The following SLC4A10 variants were observed in gnomAD, a reference collection of about 807,000 sequenced individuals.
SLC4A10 encodes solute carrier family 4 member 10.
SLC4A10 carries 42 observed loss-of-function variants against 137.7 expected under a neutral mutation model. The observed-to-expected ratio is 0.30, with a 90% CI of 0.24 to 0.39. SLC4A10 has a LOEUF of 0.39. Ranked by LOEUF, SLC4A10 falls within the 10% of genes least tolerant of loss-of-function variation. The probability of loss-of-function intolerance (pLI) is 1.00; values close to 1 mark genes in which losing one functional copy is unlikely to be tolerated. For synonymous variants in SLC4A10, 474 were observed against 464.1 expected, an observed-to-expected ratio of 1.02 and a Z score of -0.27; for missense variants, 925 against 1,355.0, an observed-to-expected ratio of 0.68 and a Z score of 4.98.
chr2:161,826,899 T>G (rs928171967), intron 3 of SLC4A10, among the ~76,000 whole-genome samples: 1 of 152,192 alleles, frequency 6.6e-6, no homozygotes, highest in African/African-American at 2.4e-5. Context: ...TTGACCACCC[T>G]ACAACATCCA....
intron 3 of SLC4A10, among the ~76,000 whole-genome samples, chr2:161,807,137 G>A (rs1454750049): frequency 2.6e-5 from 4 of 152,056 alleles, no homozygotes; most frequent in African/African-American, 7.2e-5. Context: ...TCACTATCAT[G>A]AGAACAGCAC....
chr2:161,692,739 CTT>C (rs545072186), intron 1 of SLC4A10, among the ~76,000 whole-genome samples: 78 of 152,140 alleles, frequency 5.1e-4, no homozygotes, highest in African/African-American at 1.7e-3. Flanking sequence ...CCTCCAATGA[CTT>C]ATCTAGATAT....
At chr2:161,974,224 A>G (rs1272424270) in intron 23 of SLC4A10, 25 bp from the exon 24 acceptor site, 2 of 1,575,834 alleles carry the variant, frequency 1.3e-6, no homozygotes, top group Non-Finnish European at 1.7e-6. Context: ...GGTTCACTTT[A>G]TATACTTTAC....
chr2:161,751,154 T>TTA (rs1228686372), intron 1 of SLC4A10, among the ~76,000 whole-genome samples: 16 of 151,824 alleles, frequency 1.1e-4, no homozygotes, highest in Admixed American at 2.0e-4. Flanking sequence ...TGGATCTTGC[T>TTA]TATTTTTTGT....
intron 15 of SLC4A10, among the ~76,000 whole-genome samples, chr2:161,930,957 C>T (rs181634942): frequency 1.8e-4 from 22 of 124,256 alleles, no homozygotes; most frequent in African/African-American, 2.8e-4. Flanking sequence ...TTTTAAGACG[C>T]GTCTCGCTCT....
chr2:161,870,408 A>G lies in SLC4A10; in HGVS notation c.767-1885A>G, dbSNP rs1343982422. ...TGTATGTGTTTGGTGATAGAACTAA[A>G]TAATTGTTCTTCCATGTAGATTTAT... On this transcript the variant is annotated intron_variant, in intron 6 of 26. Coordinates refer to ENST00000446997, the MANE Select transcript of SLC4A10 (RefSeq NM_001178015.2). 2.0e-5 allele frequency among the ~76,000 whole-genome samples: 3 copies of G among 151,758 alleles called. No individual in the cohort carries two copies. In the East Asian group the frequency reaches 5.8e-4, roughly 29 times the overall value.
intron 1 of SLC4A10, chr2:161,708,806 C>A (rs544522595): frequency 1.3e-6 from 2 of 1,532,218 alleles, no homozygotes; most frequent in African/African-American, 1.4e-5. Flanking sequence ...AACCTGTGAG[C>A]CTTTTCAATC....
chr2:161,773,010 A>G (rs1392742148), intron 2 of SLC4A10, among the ~76,000 whole-genome samples: 1 of 151,918 alleles, frequency 6.6e-6, no homozygotes, highest in Non-Finnish European at 1.5e-5. Context: ...GGAGAAAGGT[A>G]GCATTATTGA....
At chr2:161,660,661 C>CTTCTTTCTTTCTTTCT (rs1558970156) in intron 1 of SLC4A10, among the ~76,000 whole-genome samples, 6 of 130,008 alleles carry the variant, frequency 4.6e-5, no homozygotes, top group Non-Finnish European at 7.8e-5. Context: ...TCTTTCTTTC[C>CTTCTTTCTTTCTTTCT]TTTTTTTTTT....
chr2:161,968,350 AT>A (rs1376708814), intron 23 of SLC4A10, among the ~76,000 whole-genome samples: 2 of 152,150 alleles, frequency 1.3e-5, no homozygotes, highest in African/African-American at 2.4e-5. Flanking sequence ...TCAGTGTCTA[AT>A]CTTTTTATAT....
intron 12 of SLC4A10, among the ~76,000 whole-genome samples, chr2:161,903,596 A>G (rs1036586873): frequency 6.6e-6 from 1 of 152,134 alleles, no homozygotes; most frequent in Non-Finnish European, 1.5e-5. Context: ...TCCCTCCCTC[A>G]CTTCCTGCTA....
intron 1 of SLC4A10, among the ~76,000 whole-genome samples, chr2:161,662,150 G>A (rs568168280): frequency 3.0e-4 from 45 of 152,138 alleles, no homozygotes; most frequent in South Asian, 2.3e-3. Flanking sequence ...CTAAGAGATC[G>A]TCTAGGCTCT....
At chr2:161,786,202 T>C (rs1428939942) in intron 2 of SLC4A10, among the ~76,000 whole-genome samples, 1 of 151,910 alleles carries the variant, frequency 6.6e-6, no homozygotes, top group Non-Finnish European at 1.5e-5. Flanking sequence ...TTAACTATTA[T>C]TGGTATAAAT....
chr2:161,759,932 A>T (rs570562346), intron 1 of SLC4A10, among the ~76,000 whole-genome samples: 22 of 152,152 alleles, frequency 1.4e-4, no homozygotes, highest in Non-Finnish European at 2.4e-4. Flanking sequence ...TAACAAAAAA[A>T]TACAGATATT....
At chr2:161,963,281 G>A (rs1697032756) in intron 21 of SLC4A10, among the ~76,000 whole-genome samples, 1 of 152,016 alleles carries the variant, frequency 6.6e-6, no homozygotes. Context: ...ATAATAGTAT[G>A]AAGTACTATA....
chr2:161,981,433 A>G (rs771497901), intron 26 of SLC4A10, among the ~76,000 whole-genome samples: 4 of 152,188 alleles, frequency 2.6e-5, no homozygotes, highest in Non-Finnish European at 5.9e-5. Context: ...TCCAAAACCA[A>G]TTTTACAGAT....
chr2:161,963,686 AG>A (rs1697113031), intron 21 of SLC4A10, among the ~76,000 whole-genome samples: 3 of 152,178 alleles, frequency 2.0e-5, no homozygotes, highest in Admixed American at 1.3e-4. Context: ...ATCATTAGCA[AG>A]TCTGTGAAAG....
intron 4 of SLC4A10, among the ~76,000 whole-genome samples, chr2:161,853,274 C>A (rs1200948205): frequency 1.3e-5 from 2 of 152,132 alleles, no homozygotes; most frequent in Non-Finnish European, 2.9e-5. Context: ...CATCATGAAT[C>A]ATTGGGGTTT....
intron 3 of SLC4A10, among the ~76,000 whole-genome samples, chr2:161,825,875 G>T (rs1172245377): frequency 2.0e-5 from 3 of 152,142 alleles, no homozygotes; most frequent in African/African-American, 7.2e-5. Context: ...GCCAGCCTCT[G>T]TGTGGGTGAA....
Sources: gnomAD v4.1 joint callset for allele counts (sites outside exome capture counted in the v4.1 genomes callset) on GRCh38, gnomAD v4.1.1 for gene constraint, MANE v1.5 for transcripts, NCBI Gene and HGNC (gene_info 2026-07-23, HGNC 2026-07-21) for gene names.